WDR49: variants seen among roughly 807,000 people sequenced by gnomAD.
WDR49 encodes cilia- and flagella-associated protein 337.
In WDR49, 107 loss-of-function variants were observed where a neutral mutation model predicts 119.5. The ratio of observed to expected loss-of-function variants is 0.90; its 90% confidence interval spans 0.77 to 1.05. The LOEUF is 1.05. WDR49 is among the 50% of genes least tolerant of loss of function. WDR49 has a pLI of 0.00. For missense variants in WDR49, 1,240 were observed against 1,220.5 expected, an observed-to-expected ratio of 1.02 and a Z score of -0.24; for synonymous variants, 425 against 418.8, an observed-to-expected ratio of 1.01 and a Z score of -0.18.
At chr3:167,621,294 T>A (rs557578422) in intron 4 of WDR49, among the ~76,000 whole-genome samples, 173 bp downstream of exon 4, 2 of 152,250 alleles carry the variant, frequency 1.3e-5, no homozygotes, top group African/African-American at 4.8e-5. Flanking sequence ...AGATTTGTTT[T>A]TGTACGCAAG....
At chr3:167,636,483 A>G (rs944769720) in intron 2 of WDR49, among the ~76,000 whole-genome samples, 8 of 151,628 alleles carry the variant, frequency 5.3e-5, no homozygotes, top group African/African-American at 1.7e-4. Context: ...TGGTATAATG[A>G]CTTCTTTTCC....
Position 167,589,179 on chromosome 3 carries a change from T to C in WDR49, c.1275+12948A>G, listed in dbSNP as rs945251615. On this transcript the variant is annotated intron_variant, in intron 7 of 18. Transcript: ENST00000682715. ...TAGATATTCAATTTACCCAGCACCATTTATTGAAGAAACTGTCTTTTCCTC... is the reference window on the plus strand; with the variant it reads ...TAGATATTCAATTTACCCAGCACCACTTATTGAAGAAACTGTCTTTTCCTC... 3.9e-5 allele frequency among the ~76,000 whole-genome samples: 6 copies of C among 152,192 alleles called. No homozygotes were observed. The East Asian group carries it at 9.6e-4, about 24-fold the overall frequency.
chr3:167,655,903 C>T (rs1180433722), upstream of WDR49, among the ~76,000 whole-genome samples: 1 of 151,920 alleles, frequency 6.6e-6, no homozygotes, highest in Admixed American at 6.6e-5. Flanking sequence ...GTCTCTCTCT[C>T]TCTCTCTATC....
At chr3:167,538,912 A>C (rs7642991) in intron 10 of WDR49, among the ~76,000 whole-genome samples, 39,357 of 152,096 alleles carry the variant, frequency 0.26, 5,194 homozygotes, top group South Asian at 0.3. Context: ...TTTTTCGTTT[A>C]GTATATGATA....
intron 8 of WDR49, among the ~76,000 whole-genome samples, chr3:167,565,380 T>TACACAC (rs112641739): frequency 4.0e-3 from 522 of 129,052 alleles, no homozygotes; most frequent in African/African-American, 0.012. Context: ...CATATCTATC[T>TACACAC]ACACACACAC....
intron 10 of WDR49, among the ~76,000 whole-genome samples, chr3:167,549,199 T>C (rs530262645): frequency 7.2e-5 from 11 of 152,202 alleles, no homozygotes; most frequent in Non-Finnish European, 1.5e-4. Flanking sequence ...ATCCACTGGG[T>C]ATATGCCCAG....
intron 7 of WDR49, among the ~76,000 whole-genome samples, chr3:167,598,761 G>T (rs1715619285): frequency 6.6e-6 from 1 of 152,204 alleles, no homozygotes; most frequent in Non-Finnish European, 1.5e-5. Flanking sequence ...TATTTGAAAG[G>T]AATTGAGTGT....
At chr3:167,652,613 A>G (rs1011583986) in intron 2 of WDR49, among the ~76,000 whole-genome samples, 1 of 152,232 alleles carries the variant, frequency 6.6e-6, no homozygotes, top group African/African-American at 2.4e-5. Context: ...TCATTGACTA[A>G]GAGAGAAGAA....
intron 16 of WDR49, among the ~76,000 whole-genome samples, chr3:167,517,169 A>G (rs904932109): frequency 3.3e-5 from 5 of 152,178 alleles, no homozygotes; most frequent in Non-Finnish European, 7.3e-5. Flanking sequence ...GAAAAAAACT[A>G]TTTTAAAATT....
chr3:167,593,015 T>C (rs1233055124), intron 7 of WDR49, among the ~76,000 whole-genome samples: 1 of 152,218 alleles, frequency 6.6e-6, no homozygotes, highest in Non-Finnish European at 1.5e-5. Context: ...TTTCTCTTAC[T>C]GCCCTTAGGA....
At chr3:167,609,990 A>G (rs1716266419) in intron 5 of WDR49, among the ~76,000 whole-genome samples, 1 of 150,820 alleles carries the variant, frequency 6.6e-6, no homozygotes, top group African/African-American at 2.4e-5. Flanking sequence ...TCCTGGCAGC[A>G]TTCATCACCT....
Position 167,536,597 on chromosome 3 carries a change from T to C in WDR49, c.1954+273A>G, listed in dbSNP as rs1753035620. On this transcript the variant is annotated intron_variant, in intron 11 of 18. Transcript: ENST00000682715. The stretch of plus-strand genomic sequence containing the variant: ...CAGGAGGCTGAGGTGGGAGGATCAC[T>C]TGAACCTGGCAGGTGGAGGTTACAA... Among the ~76,000 whole-genome samples the C allele has an allele frequency of 2.6e-5, 4 of 151,286 alleles. No homozygotes were observed. The South Asian group carries it at 8.4e-4, about 32-fold the overall frequency.
In WDR49 at chr3:167,532,928, A is replaced by G. The variant is rs762462846; in HGVS notation, c.2004T>C (p.Ala668=). 3.7e-5 allele frequency: 60 copies of G among 1,610,084 alleles called. No homozygotes were observed. The highest frequency in any genetic ancestry group is 4.8e-5 in the Non-Finnish European group (57 of 1,177,408). The part of the protein sequence containing the change: ...IVLWNNSTEN[A]HHVLHPDYQR... ...GGTAATCAGGGTGAAGAACATGGTG[A>G]GCATTCTCTGTGCTATTGTTCCATA... Residue 668 remains alanine, a synonymous_variant, in exon 12 of 19, where the codon GCT becomes GCC. Transcript: ENST00000682715.
At position 167,627,122 on chromosome 3, in the gene WDR49, T is replaced by C. The variant is rs1717165206; in HGVS notation, c.336A>G (p.Leu112=). ...NWDKLTSFIL[L]ELYEQDERAK... ...CTCGTTCATCTTGCTCATAAAGCTC[T>C]AGCAGTATAAATGAAGTCAGCTTGT... The change falls in exon 3 of 19, where the codon CTA becomes CTG. Residue 112 remains leucine (L), a synonymous_variant. Transcript: ENST00000682715. 1 of 1,280,428 alleles carries C rather than the reference T, an allele frequency of 7.8e-7. No homozygotes were observed. The highest frequency in any genetic ancestry group is 3.1e-5 in the South Asian group (1 of 32,622). The allele number at this position is 1,280,428 out of a possible 1,614,324, so 79.3% of individuals were successfully genotyped here. A position where few individuals can be genotyped will look rare whatever the true frequency, so the allele number is the denominator to read the frequency against.
intron 8 of WDR49, among the ~76,000 whole-genome samples, chr3:167,570,198 T>A (rs1007050057): frequency 2.6e-5 from 4 of 152,190 alleles, no homozygotes; most frequent in African/African-American, 4.8e-5. Flanking sequence ...TTTCATTGTG[T>A]AAATCTGGTT....
intron 8 of WDR49, among the ~76,000 whole-genome samples, chr3:167,562,899 A>G (rs561514625): frequency 6.6e-6 from 1 of 152,378 alleles, no homozygotes; most frequent in African/African-American, 2.4e-5. Context: ...ATCACAGTGC[A>G]TGGCATAGCC....
chr3:167,648,960 T>A (rs1405146003), intron 2 of WDR49, among the ~76,000 whole-genome samples: 1 of 152,218 alleles, frequency 6.6e-6, no homozygotes, highest in East Asian at 1.9e-4. Context: ...TCAGCATTGT[T>A]GGATAGCATA....
chr3:167,644,289 T>C (rs1718017192), intron 2 of WDR49, among the ~76,000 whole-genome samples: 2 of 152,086 alleles, frequency 1.3e-5, no homozygotes, highest in Admixed American at 1.3e-4. Context: ...TATGAAGACA[T>C]GCCAGCATTT....
In WDR49 at chr3:167,596,923, C is replaced by T. The variant is rs74396218; in HGVS notation, c.1275+5204G>A. On this transcript the variant is annotated intron_variant, in intron 7 of 18. Coordinates refer to ENST00000682715, the MANE Select transcript of WDR49 (RefSeq NM_001366157.1). ...AAATAAAGATGTTTGCCATACTTTACAATTTTCATAAAATAAACTCAAAAT... is the reference window on the plus strand; with the variant it reads ...AAATAAAGATGTTTGCCATACTTTATAATTTTCATAAAATAAACTCAAAAT... Among the ~76,000 whole-genome samples the T allele has an allele frequency of 9.1e-3, 1,260 of 138,908 alleles. 86 individuals are homozygous for T. The East Asian group carries it at 0.18, about 20-fold the overall frequency. The allele number at this position is 138,908 out of a possible 152,430, so 91.1% of individuals were successfully genotyped here. A position where few individuals can be genotyped will look rare whatever the true frequency, so the allele number is the denominator to read the frequency against.
Sources: allele counts gnomAD v4.1 joint callset (sites outside exome capture counted in the v4.1 genomes callset), GRCh38; gene constraint gnomAD v4.1.1; transcripts MANE v1.5; gene names NCBI Gene and HGNC (gene_info 2026-07-23, HGNC 2026-07-21).